Variants in AKR1B10 observed in about 807,000 individuals in gnomAD.
AKR1B10 encodes the protein aldo-keto reductase family 1 member B10.
AKR1B10 carries 39 observed loss-of-function variants against 38.9 expected under a neutral mutation model. The observed-to-expected ratio is 1.00, with a 90% CI of 0.78 to 1.31. The LOEUF (loss-of-function observed/expected upper bound fraction) is 1.31. Among genes scored for constraint, AKR1B10 ranks in the 50% most tolerant of loss-of-function variants. The pLI is 0.00. For synonymous variants in AKR1B10, 148 were observed against 141.2 expected (o/e 1.05, Z -0.34); for missense variants, 361 against 382.6 (o/e 0.94, Z 0.47).
intron 4 of AKR1B10, chr7:134,535,520 C>T (rs1300001688): frequency 1.9e-5 from 15 of 785,136 alleles, no homozygotes; most frequent in Non-Finnish European, 2.3e-5. Flanking sequence ...CGTGCTTATC[C>T]CTGCCTCTGA....
intron 5 of AKR1B10, 62 bp downstream of exon 5, chr7:134,536,834 G>C: frequency 6.2e-7 from 1 of 1,605,416 alleles, no homozygotes; most frequent in Non-Finnish European, 8.5e-7. Flanking sequence ...CATTGCGGGA[G>C]GAATGTTCAA....
chr7:134,539,328 C>A (rs1808090320), intron 9 of AKR1B10, among the ~76,000 whole-genome samples: 1 of 152,120 alleles, frequency 6.6e-6, no homozygotes, highest in African/African-American at 2.4e-5. Context: ...ATGTGCCAGG[C>A]ATTTTCTAGG....
chr7:134,538,177 G>A lies in AKR1B10; in HGVS notation c.742-17G>A, dbSNP rs750167745. The A allele has an allele frequency of 2.5e-6, 4 of 1,611,346 alleles. No homozygotes were observed. Among genetic ancestry groups the A allele is most frequent in the Non-Finnish European group, 2.5e-6 (3 of 1,177,490 alleles). Reference sequence around the variant, plus strand: ...CTTTGGAGCTGAGTGGAAGCCTGATGTCCCCTTTCCGCATAGGTTCTGATC... The same window carrying A: ...CTTTGGAGCTGAGTGGAAGCCTGATATCCCCTTTCCGCATAGGTTCTGATC... On this transcript the variant is annotated splice_polypyrimidine_tract_variant and intron_variant, in intron 7 of 9. Coordinates refer to ENST00000359579, the MANE Select transcript of AKR1B10 (RefSeq NM_020299.5).
intron 1 of AKR1B10, among the ~76,000 whole-genome samples, chr7:134,529,693 G>C (rs1285612866): frequency 6.6e-6 from 1 of 152,182 alleles, no homozygotes; most frequent in Non-Finnish European, 1.5e-5. Context: ...TTTTGTGAGA[G>C]ATCAAGTTTT....
chr7:134,527,724 TAA>T lies in AKR1B10; in HGVS notation c.-187_-186del. On this transcript the variant is annotated 5_prime_UTR_variant, in exon 1 of 10. Coordinates refer to ENST00000359579, the MANE Select transcript of AKR1B10 (RefSeq NM_020299.5). The stretch of plus-strand genomic sequence containing the variant: ...AGCTGGGAGTCACGGTGGGCGCCTG[TAA>T]TCCCAGCTACTCGGGAGGCTGAGGC... 2.0e-6 allele frequency: 1 copy of T among 499,796 alleles called. No homozygotes were observed. Among genetic ancestry groups the T allele is most frequent in the Non-Finnish European group, 3.3e-6 (1 of 307,384 alleles). The allele number at this position is 499,796 out of a possible 1,614,324, so 31.0% of individuals were successfully genotyped here. A position where few individuals can be genotyped will look rare whatever the true frequency, so the allele number is the denominator to read the frequency against.
intron 3 of AKR1B10, among the ~76,000 whole-genome samples, 178 bp from the exon 4 acceptor site, chr7:134,532,826 T>C (rs1339714786): frequency 6.6e-6 from 1 of 152,178 alleles, no homozygotes; most frequent in African/African-American, 2.4e-5. Context: ...AATATTAGTA[T>C]GCTACAGTAG....
At chr7:134,535,132 T>C (rs935462505) in intron 4 of AKR1B10, among the ~76,000 whole-genome samples, 16 of 152,230 alleles carry the variant, frequency 1.1e-4, no homozygotes, top group Admixed American at 4.6e-4. Context: ...TGCCGCCACA[T>C]CCAGCTAATT....
chr7:134,539,189 C>A, intron 9 of AKR1B10, 172 bp downstream of exon 9: 1 of 680,982 alleles, frequency 1.5e-6, no homozygotes, highest in Non-Finnish European at 2.5e-6. Context: ...AGGGACACAT[C>A]TCTAATTGCT....
chr7:134,529,581 C>T (rs1156633549), intron 1 of AKR1B10, among the ~76,000 whole-genome samples: 1 of 152,116 alleles, frequency 6.6e-6, no homozygotes, highest in Non-Finnish European at 1.5e-5. Context: ...GGGTGCCTGG[C>T]AGCAGCTCGT....
intron 1 of AKR1B10, among the ~76,000 whole-genome samples, chr7:134,530,155 A>G (rs1458133340): frequency 6.6e-6 from 1 of 152,106 alleles, no homozygotes; most frequent in African/African-American, 2.4e-5. Flanking sequence ...GATCCTTATC[A>G]CCATTTGGGG....
chr7:134,540,576 G>A (rs1808125250), intron 9 of AKR1B10, among the ~76,000 whole-genome samples: 2 of 152,158 alleles, frequency 1.3e-5, no homozygotes, highest in Non-Finnish European at 2.9e-5. Flanking sequence ...TTCCAAGTTG[G>A]TTTCTTCACT....
chr7:134,537,277 G>A (rs1033811657), intron 6 of AKR1B10, 120 bp downstream of exon 6: 16 of 1,426,100 alleles, frequency 1.1e-5, no homozygotes, highest in Middle Eastern at 2.1e-4. Context: ...AAGGTAACAC[G>A]TTTGGTACAC....
At chr7:134,536,493 G>T (rs537247871) in intron 4 of AKR1B10, among the ~76,000 whole-genome samples, 157 bp from the exon 5 acceptor site, 4 of 152,242 alleles carry the variant, frequency 2.6e-5, no homozygotes, top group African/African-American at 7.2e-5. Flanking sequence ...AGTCACTGAT[G>T]GGCACCCAGG....
intron 3 of AKR1B10, among the ~76,000 whole-genome samples, 154 bp downstream of exon 3, chr7:134,532,178 A>G (rs569429917): frequency 2.6e-5 from 4 of 152,222 alleles, no homozygotes; most frequent in African/African-American, 7.2e-5. Flanking sequence ...CTTGGAGAAG[A>G]AACACACTGG....
chr7:134,528,219 G>T (rs903074303), intron 1 of AKR1B10, among the ~76,000 whole-genome samples: 3 of 152,222 alleles, frequency 2.0e-5, no homozygotes, highest in Non-Finnish European at 4.4e-5. Context: ...TCAAGCAGCT[G>T]TTGGACTTAA....
chr7:134,538,320 G>A (rs560192346), intron 8 of AKR1B10, 43 bp downstream of exon 8: 4 of 1,569,456 alleles, frequency 2.5e-6, no homozygotes, highest in East Asian at 2.2e-5. Flanking sequence ...TCAGTGGAGT[G>A]GGGGACAGGC....
Position 134,530,790 on chromosome 7 carries a change from G to T in AKR1B10, c.214G>T (p.Asp72Tyr). The change falls in exon 2 of 10, where the codon GAC becomes TAC. Residue 72 changes from aspartate to tyrosine, a missense_variant. Asp to Tyr is a radical substitution (Grantham distance 160, BLOSUM62 -3). Around this residue, in one of 3 missense-constraint regions of AKR1B10, gnomAD observed 220 missense variants for 216.1 expected, o/e 1.02. Transcript: ENST00000359579. ...KIQEKAVKRE[D>Y]LFIVSKLWPT... ...CCAAGAGAAGGCTGTGAAGCGGGAG[G>T]ACCTGTTCATCGTCAGCAAGGTGCA... 1 of 1,613,158 alleles carries T rather than the reference G, an allele frequency of 6.2e-7. No homozygotes were observed. The highest frequency in any genetic ancestry group is 8.5e-7 in the Non-Finnish European group (1 of 1,179,538).
At chr7:134,536,524 T>C in intron 4 of AKR1B10, 126 bp from the exon 5 acceptor site, 1 of 1,429,996 alleles carries the variant, frequency 7.0e-7, no homozygotes, top group Non-Finnish European at 9.2e-7. Flanking sequence ...AAATTTCCTG[T>C]GAATGCTTCG....
chr7:134,529,905 T>A (rs1207682222), intron 1 of AKR1B10, among the ~76,000 whole-genome samples: 4 of 152,142 alleles, frequency 2.6e-5, no homozygotes, highest in African/African-American at 9.7e-5. Flanking sequence ...CTATTTCTCT[T>A]TTTTTTCTGA....
Sources: allele counts gnomAD v4.1 joint callset (sites outside exome capture counted in the v4.1 genomes callset), GRCh38; gene constraint gnomAD v4.1.1; regional missense constraint gnomAD v4.1.1; transcripts MANE v1.5; gene names NCBI Gene and HGNC (gene_info 2026-07-23, HGNC 2026-07-21).